UBE2QL1: variants seen among roughly 807,000 people sequenced by gnomAD.
UBE2QL1 encodes the protein ubiquitin conjugating enzyme E2 QL1, also known as ubiquitin-conjugating enzyme E2Q-like protein 1.
UBE2QL1 carries 5 observed loss-of-function variants against 12.6 expected under a neutral mutation model. The ratio of observed to expected loss-of-function variants is 0.40; its 90% CI spans 0.21 to 0.83. UBE2QL1 has a LOEUF of 0.83. Among genes scored for constraint, UBE2QL1 ranks in the 40% least tolerant of loss-of-function variants. The pLI is 0.37. For missense variants in UBE2QL1, 99 were observed against 222.6 expected (o/e 0.44, Z 3.53); for synonymous variants, 96 against 94.5 (o/e 1.02, Z -0.10).
rs907362837 is a variant in UBE2QL1 at position 6,492,499 on chromosome 5, T to G, written c.*1150T>G. 1.3e-5 allele frequency: 2 copies of G among 152,222 alleles called. No individual in the cohort carries two copies. The highest frequency in any genetic ancestry group is 2.4e-5 in the African/African-American group (1 of 41,460). The allele number at this position is 152,222 out of a possible 1,614,324, so 9.4% of individuals were successfully genotyped here. Reference sequence around the variant, plus strand: ...TAAGAAACTCCATGAAATGAGGAAATACTGTTTCTAATAATATGAGGAAAG... The same window carrying G: ...TAAGAAACTCCATGAAATGAGGAAAGACTGTTTCTAATAATATGAGGAAAG... On this transcript the variant is annotated 3_prime_UTR_variant, in exon 2 of 2. Transcript: ENST00000399816.
chr5:6,470,503 C>T (rs74718251), intron 1 of UBE2QL1, among the ~76,000 whole-genome samples: 246 of 152,278 alleles, frequency 1.6e-3, no homozygotes, highest in African/African-American at 5.7e-3. Flanking sequence ...CACCCGTGAA[C>T]ACACACACAT....
intron 1 of UBE2QL1, among the ~76,000 whole-genome samples, chr5:6,466,640 G>A (rs1326735446): frequency 6.6e-6 from 1 of 152,220 alleles, no homozygotes. Flanking sequence ...AAAGACGAAG[G>A]GTGTGGAGTG....
At chr5:6,466,140 G>T (rs1449716120) in intron 1 of UBE2QL1, among the ~76,000 whole-genome samples, 1 of 152,048 alleles carries the variant, frequency 6.6e-6, no homozygotes, top group Non-Finnish European at 1.5e-5. Context: ...CGGCAGCCAC[G>T]GCGATGCAGC....
chr5:6,456,681 G>T (rs886163325), intron 1 of UBE2QL1, among the ~76,000 whole-genome samples: 2 of 152,254 alleles, frequency 1.3e-5, no homozygotes, highest in Admixed American at 6.5e-5. Context: ...CGTAACGTCT[G>T]CGACCCTCCC....
At chr5:6,480,808 C>T (rs766673382) in intron 1 of UBE2QL1, among the ~76,000 whole-genome samples, 5 of 152,086 alleles carry the variant, frequency 3.3e-5, no homozygotes, top group Non-Finnish European at 7.4e-5. Context: ...AAAGTATACA[C>T]GAAACCGATG....
intron 1 of UBE2QL1, among the ~76,000 whole-genome samples, chr5:6,471,154 G>A (rs113757076): frequency 1.5e-4 from 23 of 152,218 alleles, no homozygotes; most frequent in Admixed American, 4.6e-4. Flanking sequence ...TCCATTTTTC[G>A]TTTGATTGTT....
chr5:6,460,915 A>G (rs1739644676), intron 1 of UBE2QL1, among the ~76,000 whole-genome samples: 1 of 152,352 alleles, frequency 6.6e-6, no homozygotes, highest in African/African-American at 2.4e-5. Context: ...TTTCAAGGTG[A>G]AAAACCGGTT....
chr5:6,449,362 C>G (rs1277894347), intron 1 of UBE2QL1, 115 bp downstream of exon 1: 10 of 1,024,872 alleles, frequency 9.8e-6, no homozygotes, highest in Admixed American at 4.3e-5. Context: ...CATCTCGCTC[C>G]CTGCTCTGAC....
intron 1 of UBE2QL1, among the ~76,000 whole-genome samples, chr5:6,461,075 C>T (rs565990626): frequency 7.2e-5 from 11 of 152,272 alleles, no homozygotes; most frequent in East Asian, 5.8e-4. Flanking sequence ...AATACTTTTA[C>T]GAAAGATCCT....
chr5:6,474,310 T>G (rs756167), intron 1 of UBE2QL1, among the ~76,000 whole-genome samples: 113,473 of 152,182 alleles, frequency 0.75, 46,474 homozygotes, highest in East Asian at 0.92. Context: ...GGCATTGGAG[T>G]GGGGCATGCT....
At chr5:6,461,543 A>ACCCCCCCCCCCCCCCCCCCCCC (rs71953375) in intron 1 of UBE2QL1, among the ~76,000 whole-genome samples, 3 of 42,184 alleles carry the variant, frequency 7.1e-5, no homozygotes, top group Admixed American at 2.9e-4. Context: ...AGCACCCACC[A>ACCCCCCCCCCCCCCCCCCCCCC]CCCCCCCCCG....
At chr5:6,486,678 G>A (rs897713844) in intron 1 of UBE2QL1, among the ~76,000 whole-genome samples, 4 of 152,176 alleles carry the variant, frequency 2.6e-5, no homozygotes, top group Non-Finnish European at 4.4e-5. Flanking sequence ...CTGACACAGG[G>A]AAGACCTGCA....
In UBE2QL1 at chr5:6,494,051, G is replaced by A. The variant is rs1052109108; in HGVS notation, c.*2702G>A. On this transcript the variant is annotated 3_prime_UTR_variant, in exon 2 of 2. Transcript: ENST00000399816. ...TGTCCCGATAGCTCCACACACCCAT[G>A]TATCTGTGGGAACTCAAACCAAGCC... is the stretch of plus-strand genomic sequence containing the variant. 1 of 152,234 alleles carries A rather than the reference G, an allele frequency of 6.6e-6. No homozygotes were observed. Among genetic ancestry groups the A allele is most frequent in the Non-Finnish European group, 1.5e-5 (1 of 68,078 alleles). 9.4% of individuals were successfully genotyped at this position (152,234 alleles called of 1,614,324 possible).
At chr5:6,456,322 G>A (rs960339221) in intron 1 of UBE2QL1, among the ~76,000 whole-genome samples, 4 of 152,198 alleles carry the variant, frequency 2.6e-5, no homozygotes, top group Non-Finnish European at 5.9e-5. Flanking sequence ...CCTGGGATCA[G>A]CAGGGTCTTC....
At chr5:6,458,660 CT>C (rs1263041098) in intron 1 of UBE2QL1, among the ~76,000 whole-genome samples, 1 of 152,144 alleles carries the variant, frequency 6.6e-6, no homozygotes, top group East Asian at 1.9e-4. Flanking sequence ...AGATCAATTG[CT>C]GCTAGGATTA....
At chr5:6,467,806 CT>C (rs1412235104) in intron 1 of UBE2QL1, among the ~76,000 whole-genome samples, 1 of 152,172 alleles carries the variant, frequency 6.6e-6, no homozygotes, top group Non-Finnish European at 1.5e-5. Flanking sequence ...TCCCATCCCC[CT>C]TTGTTCCTGC....
rs1328045271 is a variant in UBE2QL1 at position 6,495,799 on chromosome 5, G to T, written c.*4450G>T. The stretch of plus-strand genomic sequence containing the variant: ...TCCAAAGACAGTGAAATCATGTACA[G>T]CTCTGTTCTTAGTTTTCTGCTAGGT... On this transcript the variant is annotated 3_prime_UTR_variant, in exon 2 of 2. Coordinates refer to ENST00000399816, the MANE Select transcript of UBE2QL1 (RefSeq NM_001145161.3). 1.3e-5 allele frequency among the ~76,000 whole-genome samples: 2 copies of T among 152,186 alleles called. No homozygotes were observed. The highest frequency in any genetic ancestry group is 2.9e-5 in the Non-Finnish European group (2 of 68,038).
At chr5:6,485,646 C>T (rs1734452804) in intron 1 of UBE2QL1, among the ~76,000 whole-genome samples, 1 of 152,180 alleles carries the variant, frequency 6.6e-6, no homozygotes, top group African/African-American at 2.4e-5. Context: ...AAACAAGTAG[C>T]AGCTCTGTAA....
At chr5:6,462,347 C>A (rs1047608883) in intron 1 of UBE2QL1, among the ~76,000 whole-genome samples, 1 of 152,200 alleles carries the variant, frequency 6.6e-6, no homozygotes, top group Non-Finnish European at 1.5e-5. Flanking sequence ...GCCCCCACCC[C>A]AGATTTGCAT....
Sources: allele counts gnomAD v4.1 joint callset (sites outside exome capture counted in the v4.1 genomes callset), GRCh38; gene constraint gnomAD v4.1.1; transcripts MANE v1.5; gene names NCBI Gene and HGNC (gene_info 2026-07-23, HGNC 2026-07-21).